SPTBN1: variants seen among roughly 807,000 people sequenced by gnomAD.
SPTBN1 encodes the protein spectrin beta, non-erythrocytic 1.
A neutral mutation model predicts 266.4 loss-of-function variants in SPTBN1; 32 were observed. The ratio of observed to expected loss-of-function variants is 0.12; its 90% confidence interval spans 0.09 to 0.16. The LOEUF (loss-of-function observed/expected upper bound fraction) is 0.16, where lower values mean the gene tolerates loss of function less well. SPTBN1 is among the 10% of genes least tolerant of loss of function. The probability of loss-of-function intolerance (pLI) is 1.00; values close to 1 mark genes in which losing one functional copy is unlikely to be tolerated. For synonymous variants in SPTBN1, 1,336 were observed against 1,162.2 expected, an observed-to-expected ratio of 1.15 and a Z score of -3.04; for missense variants, 2,296 against 3,067.1, an observed-to-expected ratio of 0.75 and a Z score of 5.94.
At chr2:54,621,335 T>C (rs1300791244) in intron 7 of SPTBN1, 65 bp from the exon 8 acceptor site, 3 of 1,222,882 alleles carry the variant, frequency 2.5e-6, no homozygotes, top group Non-Finnish European at 3.6e-6. Context: ...TTGCATTTGT[T>C]CCTGCTACCT....
At chr2:54,471,800 A>ATTTTTTTTTTTTTTT (rs56043354) in intron 1 of SPTBN1, among the ~76,000 whole-genome samples, 16 of 102,718 alleles carry the variant, frequency 1.6e-4, no homozygotes, top group Admixed American at 3.2e-4. Flanking sequence ...TTTTTTATCG[A>ATTTTTTTTTTTTTTT]TTTTTTTTTT....
At chr2:54,643,525 C>CT (rs1679718104) in intron 19 of SPTBN1, among the ~76,000 whole-genome samples, 1 of 152,066 alleles carries the variant, frequency 6.6e-6, no homozygotes, top group African/African-American at 2.4e-5. Context: ...TTGCTTTTTC[C>CT]TATGAGACTA....
chr2:54,524,014 T>C (rs1044901549), intron 1 of SPTBN1, among the ~76,000 whole-genome samples: 4 of 151,840 alleles, frequency 2.6e-5, no homozygotes, highest in Non-Finnish European at 5.9e-5. Context: ...GCCTGGCCAA[T>C]ATAGTGAAAC....
At chr2:54,627,290 A>G (rs1678411903) in intron 12 of SPTBN1, among the ~76,000 whole-genome samples, 1 of 152,236 alleles carries the variant, frequency 6.6e-6, no homozygotes, top group Non-Finnish European at 1.5e-5. Flanking sequence ...TTTTCATTTT[A>G]TAAATCATGA....
intron 2 of SPTBN1, among the ~76,000 whole-genome samples, chr2:54,575,990 G>A (rs1251906479): frequency 7.2e-6 from 1 of 138,612 alleles, no homozygotes. Context: ...ATGGTAGCAG[G>A]GATAGGGAGA....
At chr2:54,493,043 T>A (rs1668776985) in intron 1 of SPTBN1, among the ~76,000 whole-genome samples, 1 of 148,938 alleles carries the variant, frequency 6.7e-6, no homozygotes, top group African/African-American at 2.5e-5. Context: ...TCTCACTCTA[T>A]TGCCCAGACT....
chr2:54,662,506 A>C (rs1681111922), intron 32 of SPTBN1: 1 of 179,272 alleles, frequency 5.6e-6, no homozygotes, highest in Non-Finnish European at 1.1e-5. Context: ...TTTCAAGGAA[A>C]CATCTCTCTA....
chr2:54,472,022 G>GTTTGTTT (rs1693949855), intron 1 of SPTBN1, among the ~76,000 whole-genome samples: 1 of 66,802 alleles, frequency 1.5e-5, no homozygotes, highest in Non-Finnish European at 2.6e-5. Flanking sequence ...CCCTGAAGAT[G>GTTTGTTT]TTTTTTTTTT....
rs202119435 is a variant in SPTBN1 at position 54,655,084 on chromosome 2, T to C, written c.5837T>C (p.Val1946Ala). Residue 1946 changes from valine (V) to alanine (A), a missense_variant, in exon 28 of 36, where the codon GTT becomes GCT. Physicochemically the swap from Val to Ala is moderately conservative, Grantham distance 64. This residue lies in a region of SPTBN1 where 644 missense variants were observed against 745.3 expected (regional missense o/e 0.86). Transcript: ENST00000356805. ...TCTAATTTTAGGGATGTATCATCTGTTGAACTCTTAATGAATAATCATCAA... is the reference window on the plus strand; with the variant it reads ...TCTAATTTTAGGGATGTATCATCTGCTGAACTCTTAATGAATAATCATCAA... ...AQEKPRDVSS[V>A]ELLMNNHQGI... The C allele has an allele frequency of 2.0e-4, 324 of 1,613,764 alleles. No homozygotes were observed. The highest frequency in any genetic ancestry group is 2.7e-4 in the Non-Finnish European group (316 of 1,179,740).
At chr2:54,543,793 A>G (rs1208554650) in intron 2 of SPTBN1, among the ~76,000 whole-genome samples, 7 of 152,038 alleles carry the variant, frequency 4.6e-5, no homozygotes, top group Non-Finnish European at 1.0e-4. Flanking sequence ...TCCCACCCCA[A>G]AAAAAATGAC....
intron 29 of SPTBN1, among the ~76,000 whole-genome samples, chr2:54,657,371 A>C (rs556057362): frequency 2.6e-5 from 4 of 152,224 alleles, no homozygotes; most frequent in Non-Finnish European, 5.9e-5. Flanking sequence ...GGCTTAGCTC[A>C]TGAAGTGGGG....
At chr2:54,621,317 A>C in intron 7 of SPTBN1, 83 bp from the exon 8 acceptor site, 2 of 931,828 alleles carry the variant, frequency 2.1e-6, no homozygotes, top group Non-Finnish European at 3.4e-6. Flanking sequence ...CATGTTGACC[A>C]GCAGTCGTTG....
At chr2:54,512,637 G>A (rs1478360962) in intron 1 of SPTBN1, among the ~76,000 whole-genome samples, 4 of 152,130 alleles carry the variant, frequency 2.6e-5, no homozygotes, top group Non-Finnish European at 5.9e-5. Context: ...CATGTTTTGC[G>A]ACAGTTGAAA....
At chr2:54,620,271 G>C (rs1160541628) in intron 7 of SPTBN1, among the ~76,000 whole-genome samples, 1 of 152,190 alleles carries the variant, frequency 6.6e-6, no homozygotes. Context: ...TGGACTATGT[G>C]TCCATACAAA....
chr2:54,522,695 GAGAGAA>G (rs1670542385), intron 1 of SPTBN1, among the ~76,000 whole-genome samples: 3 of 145,196 alleles, frequency 2.1e-5, no homozygotes, highest in Non-Finnish European at 3.0e-5. Context: ...GAGAGAGAGA[GAGAGAA>G]AGAAAGAAAG....
chr2:54,636,689 A>C (rs561098809), intron 17 of SPTBN1, among the ~76,000 whole-genome samples: 1 of 152,332 alleles, frequency 6.6e-6, no homozygotes, highest in South Asian at 2.1e-4. Context: ...TAGAGGAGAG[A>C]CCTTGTGCAG....
At chr2:54,492,592 C>T (rs749881830) in intron 1 of SPTBN1, among the ~76,000 whole-genome samples, 2 of 152,122 alleles carry the variant, frequency 1.3e-5, no homozygotes, top group Non-Finnish European at 2.9e-5. Context: ...CTTAGGCAAG[C>T]TAGTAACATT....
intron 1 of SPTBN1, among the ~76,000 whole-genome samples, chr2:54,457,723 C>T (rs1364121805): frequency 6.6e-6 from 1 of 152,174 alleles, no homozygotes. Context: ...CCGGGGCTGC[C>T]CTTGGCCGAG....
intron 32 of SPTBN1, chr2:54,660,410 G>A (rs1327273799): frequency 8.2e-6 from 9 of 1,096,498 alleles, no homozygotes; most frequent in Non-Finnish European, 1.0e-5. Context: ...TAACAGGTAT[G>A]ACACATTCAG....
Sources: allele counts gnomAD v4.1 joint callset (sites outside exome capture counted in the v4.1 genomes callset), GRCh38; gene constraint gnomAD v4.1.1; regional missense constraint gnomAD v4.1.1; transcripts MANE v1.5; gene names NCBI Gene and HGNC (gene_info 2026-07-23, HGNC 2026-07-21).